Variants in IGSF11 observed in about 807,000 individuals in gnomAD.
IGSF11 encodes immunoglobulin superfamily member 11.
A neutral mutation model predicts 41.0 loss-of-function variants in IGSF11; 22 were observed. The observed-to-expected ratio is 0.54, with a 90% CI of 0.38 to 0.77. The LOEUF is 0.77. Ranked by LOEUF, IGSF11 falls within the 30% of genes least tolerant of loss-of-function variation. IGSF11 has a pLI of 0.00. For missense variants in IGSF11, 444 were observed against 530.8 expected, an observed-to-expected ratio of 0.84 and a Z score of 1.61; for synonymous variants, 219 against 201.3, an observed-to-expected ratio of 1.09 and a Z score of -0.74.
chr3:119,095,761 T>A (rs1040992993), intron 1 of IGSF11, among the ~76,000 whole-genome samples: 4 of 152,180 alleles, frequency 2.6e-5, no homozygotes, highest in Admixed American at 2.6e-4. Context: ...ACTTGGAGAT[T>A]CAGCACTTTC....
At chr3:118,944,524 A>C (rs975542727) in intron 1 of IGSF11, among the ~76,000 whole-genome samples, 3 of 149,892 alleles carry the variant, frequency 2.0e-5, no homozygotes, top group Admixed American at 6.7e-5. Context: ...TCTCATTTCT[A>C]CCCATCCTTC....
At chr3:119,001,386 A>G (rs972535492) in intron 1 of IGSF11, among the ~76,000 whole-genome samples, 8 of 151,394 alleles carry the variant, frequency 5.3e-5, no homozygotes, top group African/African-American at 1.9e-4. Context: ...CTGAGCCCAG[A>G]ACAGAACCTG....
rs1304211308 is a variant in IGSF11 at position 118,902,982 on chromosome 3, T to A, written c.855-21A>T. On this transcript the variant is annotated intron_variant, in intron 6 of 6. Transcript: ENST00000393775. ...CCTCTCTGAAAGGAACAAAATAAAGTCGTTGTTAGGATTTACTTCAAGTTA... is the reference window on the plus strand; with the variant it reads ...CCTCTCTGAAAGGAACAAAATAAAGACGTTGTTAGGATTTACTTCAAGTTA... 3.7e-6 allele frequency: 6 copies of A among 1,604,942 alleles called. No homozygotes were observed. The East Asian group carries it at 1.1e-4, about 30-fold the overall frequency.
chr3:118,924,285 G>A lies in IGSF11; in HGVS notation c.580+1816C>T, dbSNP rs190371117. Among the ~76,000 whole-genome samples the A allele has an allele frequency of 1.5e-3, 234 of 152,088 alleles. 4 individuals are homozygous for A. The East Asian group carries it at 0.039, about 25-fold the overall frequency. The stretch of plus-strand genomic sequence containing the variant: ...TTCCTCTGTCACCAATCAGACTTCC[G>A]GGATTCACTTTCCTGGTGTCAAATA... On this transcript the variant is annotated intron_variant, in intron 4 of 6. Transcript: ENST00000393775.
intron 1 of IGSF11, among the ~76,000 whole-genome samples, chr3:118,953,574 G>A (rs183346970): frequency 6.6e-6 from 1 of 151,740 alleles, no homozygotes; most frequent in East Asian, 1.9e-4. Flanking sequence ...ATTATTTTTT[G>A]ATTTTTTTTA....
Position 119,005,138 on chromosome 3 carries a change from A to T in IGSF11, c.52+29393T>A, listed in dbSNP as rs533465065. 8.8e-3 allele frequency among the ~76,000 whole-genome samples: 1,300 copies of T among 147,560 alleles called. 30 individuals carry two copies. The highest frequency in any genetic ancestry group is 0.031 in the African/African-American group (1,202 of 38,426). Reference sequence around the variant, plus strand: ...TCACTCAGGACTTGCTTTATGAATCAGGGTGCTCCTGTATTGGGTGCATAT... The same window carrying T: ...TCACTCAGGACTTGCTTTATGAATCTGGGTGCTCCTGTATTGGGTGCATAT... On this transcript the variant is annotated intron_variant, in intron 1 of 6. Coordinates refer to ENST00000393775, the MANE Select transcript of IGSF11 (RefSeq NM_001015887.3).
chr3:119,126,671 A>C (rs1164754002), intron 1 of IGSF11, among the ~76,000 whole-genome samples: 4 of 152,170 alleles, frequency 2.6e-5, no homozygotes, highest in Admixed American at 6.5e-5. Flanking sequence ...AGGAGGAGGC[A>C]CCAATCTTGG....
At chr3:118,983,792 G>A (rs374668348) in intron 1 of IGSF11, among the ~76,000 whole-genome samples, 11 of 152,292 alleles carry the variant, frequency 7.2e-5, no homozygotes, top group East Asian at 5.8e-4. Flanking sequence ...TATAGACATA[G>A]TAGATGCAAA....
chr3:119,129,538 G>A (rs550423315), intron 1 of IGSF11, among the ~76,000 whole-genome samples: 1 of 152,212 alleles, frequency 6.6e-6, no homozygotes, highest in African/African-American at 2.4e-5. Context: ...AAAGCAGGGG[G>A]ATGAAGTTAA....
intron 1 of IGSF11, among the ~76,000 whole-genome samples, chr3:119,073,694 A>G (rs2076442696): frequency 6.6e-6 from 1 of 152,166 alleles, no homozygotes; most frequent in Admixed American, 6.5e-5. Flanking sequence ...CGGCTGCTCC[A>G]AGTGTGGGGC....
intron 1 of IGSF11, chr3:118,947,737 C>T (rs577395893): frequency 1.2e-4 from 19 of 152,258 alleles, no homozygotes; most frequent in African/African-American, 4.6e-4. Context: ...CTTCTTTGTG[C>T]CCCTTTTTAG....
chr3:119,070,379 A>G (rs1201012331), intron 1 of IGSF11, among the ~76,000 whole-genome samples: 2 of 152,206 alleles, frequency 1.3e-5, no homozygotes, highest in Non-Finnish European at 2.9e-5. Flanking sequence ...TAGAATATTG[A>G]TATATATTTG....
At chr3:119,039,087 A>G (rs113434957), upstream of IGSF11, among the ~76,000 whole-genome samples, 1,332 of 152,302 alleles carry the variant, frequency 8.7e-3, 26 homozygotes, top group African/African-American at 0.03. Flanking sequence ...AGACCTTCCA[A>G]TGGCTTCCTG....
intron 1 of IGSF11, among the ~76,000 whole-genome samples, chr3:119,009,772 G>T (rs1247421816): frequency 6.6e-6 from 1 of 152,074 alleles, no homozygotes; most frequent in Non-Finnish European, 1.5e-5. Flanking sequence ...AATTTCATAG[G>T]CTTTTTGCTT....
At chr3:118,928,173 A>T (rs747796368) in intron 3 of IGSF11, among the ~76,000 whole-genome samples, 3 of 152,218 alleles carry the variant, frequency 2.0e-5, no homozygotes, top group Non-Finnish European at 4.4e-5. Flanking sequence ...TACTAAAATA[A>T]GTCATTCTTG....
At chr3:119,100,002 C>T (rs943425693) in intron 1 of IGSF11, among the ~76,000 whole-genome samples, 3 of 151,774 alleles carry the variant, frequency 2.0e-5, no homozygotes, top group African/African-American at 7.2e-5. Flanking sequence ...AGGAATGATT[C>T]ACATCCTGGG....
intron 1 of IGSF11, among the ~76,000 whole-genome samples, chr3:119,072,289 GC>G (rs1203205892): frequency 1.3e-5 from 2 of 152,204 alleles, no homozygotes; most frequent in African/African-American, 4.8e-5. Flanking sequence ...CCAAATCAGA[GC>G]AGTACTAAAC....
chr3:119,003,972 C>T (rs183214005), intron 1 of IGSF11, among the ~76,000 whole-genome samples: 2 of 151,436 alleles, frequency 1.3e-5, no homozygotes, highest in African/African-American at 4.9e-5. Flanking sequence ...ATGATGTTGG[C>T]CTCATAAAAT....
At chr3:118,905,291 T>C (rs1291765297) in intron 5 of IGSF11, among the ~76,000 whole-genome samples, 1 of 152,080 alleles carries the variant, frequency 6.6e-6, no homozygotes, top group African/African-American at 2.4e-5. Flanking sequence ...CACAAGAAAG[T>C]CTTACTATAC....
Sources: allele counts gnomAD v4.1 joint callset (sites outside exome capture counted in the v4.1 genomes callset), GRCh38; gene constraint gnomAD v4.1.1; transcripts MANE v1.5; gene names NCBI Gene and HGNC (gene_info 2026-07-23, HGNC 2026-07-21).